Variants in RPS6KC1 observed in about 807,000 individuals in gnomAD.
RPS6KC1 encodes ribosomal protein S6 kinase C1.
In RPS6KC1, 54 loss-of-function variants were observed where a neutral mutation model predicts 103.8. That is an observed-to-expected ratio of 0.52 (90% CI 0.42 to 0.65). The LOEUF is 0.65. RPS6KC1 is among the 30% of genes least tolerant of loss of function. RPS6KC1 has a pLI of 0.00. For missense variants in RPS6KC1, 1,151 were observed against 1,253.8 expected (o/e 0.92, Z 1.24); for synonymous variants, 439 against 438.7 (o/e 1.00, Z -0.01).
the RPS6KC1 span, among the ~76,000 whole-genome samples, chr1:213,448,219 G>C: frequency 1.1e-5 from 1 of 92,168 alleles, no homozygotes; most frequent in South Asian, 4.3e-4. Context: ...GACAGAGTGA[G>C]ACTGTCAAAA....
At chr1:213,850,421 C>T in the RPS6KC1 span, among the ~76,000 whole-genome samples, 2 of 152,292 alleles carry the variant, frequency 1.3e-5, no homozygotes, top group African/African-American at 4.8e-5. Context: ...TGGACACTGG[C>T]CTGCCGCTTA....
At chr1:213,073,907 C>G (rs772620970) in intron 2 of RPS6KC1, among the ~76,000 whole-genome samples, 4 of 152,072 alleles carry the variant, frequency 2.6e-5, no homozygotes, top group Non-Finnish European at 5.9e-5. Flanking sequence ...AACTCCTGAC[C>G]TCAGGCGATC....
At chr1:213,767,392 A>T in the RPS6KC1 span, among the ~76,000 whole-genome samples, 1 of 152,002 alleles carries the variant, frequency 6.6e-6, no homozygotes, top group South Asian at 2.1e-4. Context: ...ATATAGCCAC[A>T]TTTCCTCCCC....
At chr1:213,163,921 A>G (rs1340778717) in intron 6 of RPS6KC1, among the ~76,000 whole-genome samples, 2 of 152,068 alleles carry the variant, frequency 1.3e-5, no homozygotes, top group African/African-American at 2.4e-5. Context: ...ATTTCTCTGT[A>G]TCTTTGTTTC....
At chr1:213,341,391 CCCAGGCA>C in the RPS6KC1 span, among the ~76,000 whole-genome samples, 4 of 152,110 alleles carry the variant, frequency 2.6e-5, no homozygotes, top group African/African-American at 7.2e-5. Flanking sequence ...TTATAAAATT[CCCAGGCA>C]ACAGGTAGTT....
the RPS6KC1 span, among the ~76,000 whole-genome samples, chr1:213,314,992 C>T: frequency 7.9e-5 from 12 of 152,074 alleles, no homozygotes; most frequent in Admixed American, 5.9e-4. Context: ...ATGGGCAGCG[C>T]ATCATTACTA....
the RPS6KC1 span, among the ~76,000 whole-genome samples, chr1:213,372,887 TATAA>T: frequency 6.0e-3 from 916 of 152,168 alleles, 11 homozygotes; most frequent in African/African-American, 0.02. Context: ...ATTTAATATA[TATAA>T]ATAAATATCT....
chr1:213,176,139 C>T (rs916646551), intron 7 of RPS6KC1, among the ~76,000 whole-genome samples: 1 of 152,094 alleles, frequency 6.6e-6, no homozygotes, highest in Non-Finnish European at 1.5e-5. Context: ...ACTGCCAGCT[C>T]ATTAATTTTT....
chr1:213,278,433 A>C (rs1488447099), downstream of RPS6KC1, among the ~76,000 whole-genome samples: 2 of 152,220 alleles, frequency 1.3e-5, no homozygotes, highest in Non-Finnish European at 2.9e-5. Flanking sequence ...TAATGTTTGC[A>C]AGACATTTGA....
rs540623763 is a variant in RPS6KC1 at position 213,059,146 on chromosome 1, G to A, written c.105+7637G>A. 2.0e-5 allele frequency among the ~76,000 whole-genome samples: 3 copies of A among 152,272 alleles called. No individual in the cohort carries two copies. In the East Asian group the frequency reaches 5.8e-4, roughly 29 times the overall value. On this transcript the variant is annotated intron_variant, in intron 1 of 14. Coordinates refer to ENST00000366960, the MANE Select transcript of RPS6KC1 (RefSeq NM_012424.6). ...TTATACTTTAAGTTTTAGGGTACAT[G>A]TGCACAACGTGCAGGTTAGTTACAT...
intron 8 of RPS6KC1, among the ~76,000 whole-genome samples, chr1:213,217,569 C>T (rs1051587377): frequency 6.6e-6 from 1 of 152,088 alleles, no homozygotes; most frequent in African/African-American, 2.4e-5. Context: ...GACACAACAA[C>T]AAAAGAGAAT....
the RPS6KC1 span, among the ~76,000 whole-genome samples, chr1:213,329,029 C>G: frequency 6.6e-6 from 1 of 152,142 alleles, no homozygotes; most frequent in African/African-American, 2.4e-5. Context: ...GCTGGTGGTA[C>G]CTTTCTTCAG....
chr1:213,838,091 T>C, the RPS6KC1 span, among the ~76,000 whole-genome samples: 2 of 152,184 alleles, frequency 1.3e-5, no homozygotes, highest in African/African-American at 4.8e-5. Context: ...GTCACTAGTT[T>C]CCTAGTATAA....
the RPS6KC1 span, among the ~76,000 whole-genome samples, chr1:213,627,726 T>C: frequency 6.6e-5 from 10 of 152,250 alleles, no homozygotes; most frequent in Admixed American, 3.3e-4. Context: ...GGATTATGTT[T>C]ATTGATTTGC....
chr1:213,489,922 C>T, the RPS6KC1 span, among the ~76,000 whole-genome samples: 1 of 152,154 alleles, frequency 6.6e-6, no homozygotes, highest in South Asian at 2.1e-4. Flanking sequence ...GACACTCAGC[C>T]TCTATGCTGC....
chr1:213,617,376 G>C, the RPS6KC1 span, among the ~76,000 whole-genome samples: 2 of 152,152 alleles, frequency 1.3e-5, no homozygotes, highest in Non-Finnish European at 2.9e-5. Flanking sequence ...GGATAGGAGA[G>C]GCCAAGTGAG....
At chr1:213,401,669 G>A in the RPS6KC1 span, among the ~76,000 whole-genome samples, 1 of 152,116 alleles carries the variant, frequency 6.6e-6, no homozygotes, top group South Asian at 2.1e-4. Context: ...CCTTCCTTGG[G>A]CCTTCAACTT....
chr1:213,414,374 A>T, the RPS6KC1 span, among the ~76,000 whole-genome samples: 1 of 152,214 alleles, frequency 6.6e-6, no homozygotes. Flanking sequence ...AATTAAGGTA[A>T]GGATCAAAAT....
chr1:213,574,746 A>G, the RPS6KC1 span, among the ~76,000 whole-genome samples: 1 of 152,172 alleles, frequency 6.6e-6, no homozygotes, highest in African/African-American at 2.4e-5. Flanking sequence ...CATGGTGGGA[A>G]GTCGAAGGCC....
Sources: allele counts gnomAD v4.1 joint callset (sites outside exome capture counted in the v4.1 genomes callset), GRCh38; gene constraint gnomAD v4.1.1; transcripts MANE v1.5; gene names NCBI Gene and HGNC (gene_info 2026-07-23, HGNC 2026-07-21).